The following SYNE2 variants were observed in gnomAD, a reference collection of about 807,000 sequenced individuals.
SYNE2 encodes the protein spectrin repeat containing nuclear envelope protein 2.
SYNE2 carries 431 observed loss-of-function variants against 856.3 expected under a neutral mutation model. The observed-to-expected ratio is 0.50, with a 90% CI of 0.47 to 0.55. The LOEUF (loss-of-function observed/expected upper bound fraction) is 0.55. Among genes scored for constraint, SYNE2 ranks in the 20% least tolerant of loss-of-function variants. SYNE2 has a pLI of 0.00. For missense variants in SYNE2, 8,129 were observed against 8,023.2 expected (o/e 1.01, Z -0.50); for synonymous variants, 2,923 against 2,872.3 (o/e 1.02, Z -0.56).
intron 1 of SYNE2, among the ~76,000 whole-genome samples, chr14:63,831,183 AT>A (rs1197407004): frequency 6.6e-6 from 1 of 151,994 alleles, no homozygotes; most frequent in Non-Finnish European, 1.5e-5. Context: ...GATGCTCTTG[AT>A]TAGCTAGAAT....
Position 64,186,575 on chromosome 14 carries a change from T to C in SYNE2, c.17708T>C (p.Leu5903Ser), listed in dbSNP as rs779520925. The part of the protein sequence containing the change: ...HLHRQWEDLC[L>S]RVAIRKQEIE... ...CACAGACAATGGGAGGACCTCTGCTTAAGGGTAAGTCAGCTCACTGCAGGG... is the reference window on the plus strand; with the variant it reads ...CACAGACAATGGGAGGACCTCTGCTCAAGGGTAAGTCAGCTCACTGCAGGG... The change falls in exon 97 of 116, where the codon TTA becomes TCA. Residue 5903 changes from leucine (L) to serine (S), a missense_variant. By Grantham distance (145) the Leu-to-Ser change is moderately radical. Transcript: ENST00000555002. The C allele has an allele frequency of 6.2e-7, 1 of 1,614,142 alleles. No individual in the cohort carries two copies. Among genetic ancestry groups the C allele is most frequent in the East Asian group, 2.2e-5 (1 of 44,882 alleles).
chr14:64,085,334 C>T (rs572667183), intron 57 of SYNE2, among the ~76,000 whole-genome samples: 37 of 152,104 alleles, frequency 2.4e-4, no homozygotes, highest in Non-Finnish European at 3.8e-4. Flanking sequence ...ATCATTTCTG[C>T]CACATTTTAT....
chr14:63,788,204 A>G (rs1011690048), intron 1 of SYNE2, among the ~76,000 whole-genome samples: 1 of 152,122 alleles, frequency 6.6e-6, no homozygotes, highest in Non-Finnish European at 1.5e-5. Flanking sequence ...AGGCAGAGGG[A>G]GAAGAAACCC....
chr14:63,924,110 A>G (rs1398763282), intron 2 of SYNE2, among the ~76,000 whole-genome samples: 1 of 152,140 alleles, frequency 6.6e-6, no homozygotes, highest in Non-Finnish European at 1.5e-5. Context: ...CTGGTCAAAA[A>G]AAGTATTCTT....
intron 94 of SYNE2, among the ~76,000 whole-genome samples, chr14:64,171,960 C>T (rs976620991): frequency 2.6e-5 from 4 of 152,186 alleles, no homozygotes; most frequent in East Asian, 1.9e-4. Flanking sequence ...AAGCAATTCT[C>T]GTGTCTCAGC....
chr14:64,018,101 C>T (rs368432037), intron 34 of SYNE2, among the ~76,000 whole-genome samples: 9 of 152,208 alleles, frequency 5.9e-5, no homozygotes, highest in East Asian at 1.9e-4. Context: ...ATTGCTATTA[C>T]GCAAGGGGTC....
At chr14:64,123,805 G>C (rs2097915815) in intron 70 of SYNE2, among the ~76,000 whole-genome samples, 1 of 151,996 alleles carries the variant, frequency 6.6e-6, no homozygotes, top group Admixed American at 6.6e-5. Flanking sequence ...AAGTAAACTG[G>C]TAAATAAGCA....
At chr14:64,096,234 A>AT (rs571242952) in intron 61 of SYNE2, among the ~76,000 whole-genome samples, 41 of 152,202 alleles carry the variant, frequency 2.7e-4, no homozygotes, top group East Asian at 2.3e-3. Context: ...GGAAAATGGA[A>AT]TTTTTTTTAC....
chr14:63,919,694 T>G (rs2095573935), intron 2 of SYNE2, among the ~76,000 whole-genome samples: 1 of 152,116 alleles, frequency 6.6e-6, no homozygotes, highest in Non-Finnish European at 1.5e-5. Flanking sequence ...TGGAAACCCC[T>G]AGATGAACGT....
intron 10 of SYNE2, among the ~76,000 whole-genome samples, chr14:63,966,639 A>G (rs1595920133): frequency 1.4e-5 from 2 of 142,076 alleles, no homozygotes; most frequent in Non-Finnish European, 1.5e-5. Flanking sequence ...GTTCACTGCA[A>G]CCTCTGCCTC....
At chr14:63,793,588 C>G (rs956123142) in intron 1 of SYNE2, among the ~76,000 whole-genome samples, 6 of 152,100 alleles carry the variant, frequency 3.9e-5, no homozygotes, top group African/African-American at 1.4e-4. Flanking sequence ...ACAAAGACTT[C>G]ATTGAGTTTT....
intron 45 of SYNE2, among the ~76,000 whole-genome samples, chr14:64,047,336 C>G (rs919692083): frequency 6.6e-6 from 1 of 152,068 alleles, no homozygotes; most frequent in African/African-American, 2.4e-5. Flanking sequence ...AGCGAAGACA[C>G]CACTCAAAGG....
intron 65 of SYNE2, among the ~76,000 whole-genome samples, chr14:64,110,049 A>G (rs920172493): frequency 6.6e-6 from 1 of 152,236 alleles, no homozygotes; most frequent in Non-Finnish European, 1.5e-5. Context: ...TTCTAGGGGC[A>G]TGCTTTTCAT....
At chr14:64,127,183 C>G (rs1212767024) in intron 73 of SYNE2, among the ~76,000 whole-genome samples, 1 of 152,118 alleles carries the variant, frequency 6.6e-6, no homozygotes, top group African/African-American at 2.4e-5. Flanking sequence ...ATTGCTTGAA[C>G]CTGGGAGGCA....
intron 6 of SYNE2, among the ~76,000 whole-genome samples, chr14:63,942,464 G>A (rs1200168236): frequency 6.6e-6 from 1 of 151,804 alleles, no homozygotes; most frequent in Non-Finnish European, 1.5e-5. Flanking sequence ...GACTACAGAT[G>A]CGCGCCACCA....
intron 53 of SYNE2, among the ~76,000 whole-genome samples, chr14:64,074,822 T>C (rs1313425383): frequency 2.6e-5 from 4 of 151,318 alleles, no homozygotes; most frequent in Non-Finnish European, 5.9e-5. Flanking sequence ...TTGGACCCAG[T>C]AGGTGGTGGT....
chr14:64,153,377 A>T (rs1479444455), intron 85 of SYNE2, among the ~76,000 whole-genome samples: 1 of 152,194 alleles, frequency 6.6e-6, no homozygotes, highest in Non-Finnish European at 1.5e-5. Context: ...AACCAATTAT[A>T]CCAATCAATT....
At chr14:63,806,020 G>T (rs1219394975) in intron 1 of SYNE2, among the ~76,000 whole-genome samples, 2 of 152,108 alleles carry the variant, frequency 1.3e-5, no homozygotes. Context: ...GTACTATGCT[G>T]AATAGGATGA....
chr14:64,093,520 C>G (rs1192868867), intron 61 of SYNE2, 40 bp downstream of exon 61: 1 of 1,612,700 alleles, frequency 6.2e-7, no homozygotes, highest in Non-Finnish European at 8.5e-7. Context: ...TTCATTTGTC[C>G]ATCAGTGCAT....
Sources: allele counts gnomAD v4.1 joint callset (sites outside exome capture counted in the v4.1 genomes callset), GRCh38; gene constraint gnomAD v4.1.1; transcripts MANE v1.5; gene names NCBI Gene and HGNC (gene_info 2026-07-23, HGNC 2026-07-21).